CSMD3: variants seen among roughly 807,000 people sequenced by gnomAD.
CSMD3 encodes CUB and sushi domain-containing protein 3.
CSMD3 carries 177 observed loss-of-function variants against 435.2 expected under a neutral mutation model. The observed-to-expected ratio is 0.41, with a 90% CI of 0.36 to 0.46. The LOEUF (loss-of-function observed/expected upper bound fraction) is 0.46. Ranked by LOEUF, CSMD3 falls within the 20% of genes least tolerant of loss-of-function variation. The pLI is 0.34. For synonymous variants in CSMD3, 1,656 were observed against 1,520.5 expected (o/e 1.09, Z -2.07); for missense variants, 4,265 against 4,504.6 (o/e 0.95, Z 1.52).
At chr8:113,173,640 C>A (rs1247599610) in intron 4 of CSMD3, 82 bp downstream of exon 4, 1 of 1,135,882 alleles carries the variant, frequency 8.8e-7, no homozygotes, top group Non-Finnish European at 1.3e-6. Flanking sequence ...CTTTAGATTC[C>A]GTAGAAGAAA....
intron 27 of CSMD3, among the ~76,000 whole-genome samples, chr8:112,541,385 A>C (rs77596293): frequency 0.054 from 8,201 of 151,918 alleles, 280 homozygotes; most frequent in African/African-American, 0.1. Context: ...TATTCCAAGA[A>C]AAATGAGATA....
intron 49 of CSMD3, among the ~76,000 whole-genome samples, chr8:112,313,491 A>T (rs2130827264): frequency 6.6e-6 from 1 of 152,274 alleles, no homozygotes; most frequent in South Asian, 2.1e-4. Flanking sequence ...GCTGAGCAAC[A>T]CTATTAATAT....
At chr8:112,575,036 T>A (rs1240517514) in intron 23 of CSMD3, among the ~76,000 whole-genome samples, 1 of 151,962 alleles carries the variant, frequency 6.6e-6, no homozygotes, top group Non-Finnish European at 1.5e-5. Context: ...AATAATATAT[T>A]TTTTCTTATA....
chr8:112,534,310 A>C (rs1446088887), intron 27 of CSMD3, among the ~76,000 whole-genome samples: 1 of 152,188 alleles, frequency 6.6e-6, no homozygotes, highest in African/African-American at 2.4e-5. Context: ...GAGAAGAATC[A>C]AACAGACACA....
intron 1 of CSMD3, among the ~76,000 whole-genome samples, chr8:113,365,913 A>C (rs2094308429): frequency 6.6e-6 from 1 of 151,996 alleles, no homozygotes; most frequent in African/African-American, 2.4e-5. Flanking sequence ...ACAACAAATG[A>C]CCCAAAAACC....
Position 112,341,614 on chromosome 8 carries a change from G to A in CSMD3, c.6515C>T (p.Ser2172Leu), listed in dbSNP as rs371585660. 2.5e-6 allele frequency: 4 copies of A among 1,613,202 alleles called. No homozygotes were observed. Among genetic ancestry groups the A allele is most frequent in the Admixed American group, 3.3e-5 (2 of 59,972 alleles). Residue 2172 changes from serine (S) to leucine (L), a missense_variant, in exon 42 of 71, where the codon TCA becomes TTA. By Grantham distance (145) the Ser-to-Leu change is moderately radical. This residue lies in a region of CSMD3 where 3,255 missense variants were observed against 3,380.2 expected (regional missense o/e 0.96). Coordinates refer to ENST00000297405, the MANE Select transcript of CSMD3 (RefSeq NM_198123.2). Reference protein sequence around the residue: ...HDYLEVRSGSSETSTVIGRLS... With the variant: ...HDYLEVRSGSLETSTVIGRLS... Reference sequence around the variant, plus strand: ...CCGGCCAATAACAGTACTAGTTTCTGAGGATCCACTTCGTACTTCCAAATA... The same window carrying A: ...CCGGCCAATAACAGTACTAGTTTCTAAGGATCCACTTCGTACTTCCAAATA...
intron 5 of CSMD3, among the ~76,000 whole-genome samples, chr8:113,019,996 T>TA (rs1437787339): frequency 6.6e-6 from 1 of 150,898 alleles, no homozygotes; most frequent in Non-Finnish European, 1.5e-5. Flanking sequence ...ACCCCGTCTC[T>TA]ACTAAAAATA....
chr8:113,289,163 T>A (rs959789724), intron 2 of CSMD3, among the ~76,000 whole-genome samples: 1 of 151,688 alleles, frequency 6.6e-6, no homozygotes, highest in Non-Finnish European at 1.5e-5. Context: ...CAAGTTTAAA[T>A]AAGTTAATAC....
intron 5 of CSMD3, among the ~76,000 whole-genome samples, chr8:113,037,625 G>A (rs1182018276): frequency 6.6e-6 from 1 of 152,028 alleles, no homozygotes; most frequent in Non-Finnish European, 1.5e-5. Context: ...AATGACAAAT[G>A]TATTGGTATT....
chr8:112,602,566 CAA>C (rs199693088), intron 22 of CSMD3, among the ~76,000 whole-genome samples: 52,662 of 124,578 alleles, frequency 0.42, 10,688 homozygotes, highest in African/African-American at 0.59. Context: ...AACTCTGTCT[CAA>C]AAAAAAAAAA....
intron 5 of CSMD3, among the ~76,000 whole-genome samples, chr8:113,043,212 A>G (rs976598030): frequency 6.6e-6 from 1 of 152,176 alleles, no homozygotes; most frequent in Non-Finnish European, 1.5e-5. Context: ...GATCTAACTT[A>G]TATTTATGTC....
chr8:113,376,965 G>A (rs1713403999), intron 1 of CSMD3: 1 of 1,513,888 alleles, frequency 6.6e-7, no homozygotes, highest in South Asian at 1.1e-5. Flanking sequence ...CCAAACTAAA[G>A]GTGTGTGCGC....
At position 112,779,118 on chromosome 8, in the gene CSMD3, T is replaced by C. The variant is rs76829956; in HGVS notation, c.1972+21044A>G. Among the ~76,000 whole-genome samples, 549 of 151,928 alleles carry C rather than the reference T, an allele frequency of 3.6e-3. 4 individuals carry two copies. Among genetic ancestry groups the C allele is most frequent in the African/African-American group, 0.012 (481 of 41,486 alleles). On this transcript the variant is annotated intron_variant, in intron 13 of 70. Transcript: ENST00000297405. ...TCTTTGCAAAGATTTTCTATTAGTC[T>C]GTAACTTGTCTTCTCATTATCTTGA...
intron 5 of CSMD3, among the ~76,000 whole-genome samples, chr8:113,063,107 C>T (rs2088688896): frequency 6.6e-6 from 1 of 151,000 alleles, no homozygotes; most frequent in Admixed American, 6.6e-5. Context: ...ACATTCCCTA[C>T]AAATATTTTA....
rs747219207 is a variant in CSMD3, at chr8:112,550,825, T to A, written c.4410A>T (p.Arg1470=). The change falls in exon 27 of 71, where the codon CGA becomes CGT. Residue 1470 remains arginine, a synonymous_variant. Transcript: ENST00000297405. ...CATTTTCTGGTGGACCGTCCCAGAC[T>A]CGGAGTATATCATGTGATGCTTCCG... ...FDTEASHDIL[R]VWDGPPENDM... is the part of the protein sequence containing the mutation. 6.2e-7 allele frequency: 1 copy of A among 1,612,448 alleles called. No homozygotes were observed. The highest frequency in any genetic ancestry group is 1.1e-5 in the South Asian group (1 of 91,062).
At chr8:113,224,140 T>C (rs1291381533) in intron 3 of CSMD3, among the ~76,000 whole-genome samples, 1 of 151,258 alleles carries the variant, frequency 6.6e-6, no homozygotes. Flanking sequence ...TGCTATTCGT[T>C]TTTGGTTAAA....
intron 6 of CSMD3, among the ~76,000 whole-genome samples, chr8:112,992,687 T>C (rs1451821944): frequency 6.6e-6 from 1 of 151,824 alleles, no homozygotes; most frequent in Non-Finnish European, 1.5e-5. Context: ...GAAGTTTGGG[T>C]TTTATTTACT....
intron 31 of CSMD3, among the ~76,000 whole-genome samples, chr8:112,483,250 GGAGGCAGAGTCCAGTGGATCACTT>G (rs1198039389): frequency 2.6e-5 from 4 of 152,098 alleles, no homozygotes; most frequent in Non-Finnish European, 4.4e-5. Flanking sequence ...TAGAGCTCTG[GGAGGCAGAGTCCAGTGGATCACTT>G]GAGGTCAGGA....
At chr8:112,377,851 C>T (rs1233333600) in intron 38 of CSMD3, among the ~76,000 whole-genome samples, 1 of 152,032 alleles carries the variant, frequency 6.6e-6, no homozygotes, top group Non-Finnish European at 1.5e-5. Context: ...TTTACCTCAA[C>T]ATAATAAAGA....
Sources: gnomAD v4.1 joint callset for allele counts (sites outside exome capture counted in the v4.1 genomes callset) on GRCh38, gnomAD v4.1.1 for gene constraint, gnomAD v4.1.1 regional missense constraint, MANE v1.5 for transcripts, NCBI Gene and HGNC (gene_info 2026-07-23, HGNC 2026-07-21) for gene names.